TRPC1: variants seen among roughly 807,000 people sequenced by gnomAD.
TRPC1 encodes short transient receptor potential channel 1.
A neutral mutation model predicts 88.2 loss-of-function variants in TRPC1; 42 were observed. The observed-to-expected ratio is 0.48, with a 90% CI of 0.37 to 0.62. The LOEUF is 0.62. TRPC1 is among the 20% of genes least tolerant of loss of function. The probability of loss-of-function intolerance (pLI) is 0.00; values close to 1 mark genes in which losing one functional copy is unlikely to be tolerated. For synonymous variants in TRPC1, 288 were observed against 331.8 expected, an observed-to-expected ratio of 0.87 and a Z score of 1.43; for missense variants, 699 against 957.3, an observed-to-expected ratio of 0.73 and a Z score of 3.56.
At chr3:142,801,993 T>C (rs1250954122) in intron 9 of TRPC1, among the ~76,000 whole-genome samples, 176 bp from the exon 10 acceptor site, 1 of 152,126 alleles carries the variant, frequency 6.6e-6, no homozygotes, top group African/African-American at 2.4e-5. Context: ...GAATGACTTT[T>C]TGTTAGGCAG....
At chr3:142,805,514 A>T (rs1170595991) in intron 12 of TRPC1, among the ~76,000 whole-genome samples, 2 of 152,214 alleles carry the variant, frequency 1.3e-5, no homozygotes, top group Non-Finnish European at 2.9e-5. Context: ...ACAAATTTTC[A>T]CAAAACTTTT....
At chr3:142,791,289 C>T (rs1301788406) in intron 8 of TRPC1, 131 bp downstream of exon 8, 3 of 735,964 alleles carry the variant, frequency 4.1e-6, no homozygotes, top group Non-Finnish European at 6.1e-6. Context: ...TTAAGCCTAT[C>T]TGTGTGCACA....
intron 7 of TRPC1, among the ~76,000 whole-genome samples, chr3:142,785,996 T>C (rs1936122220): frequency 6.6e-6 from 1 of 152,196 alleles, no homozygotes; most frequent in African/African-American, 2.4e-5. Flanking sequence ...TTATAAGTAT[T>C]ACACTGTATA....
In TRPC1 at chr3:142,764,003, TATATATATATATAA is replaced by T. The variant is rs1560105057; in HGVS notation, c.633-13628_633-13615del. On this transcript the variant is annotated intron_variant, in intron 4 of 12. Transcript: ENST00000476941. ...ATATATACACATACATACATACATA[TATATATATATATAA>T]CAAATTATTTTAAAGAGATGACACT... Among the ~76,000 whole-genome samples the T allele has an allele frequency of 5.5e-4, 56 of 101,848 alleles. 8 individuals are homozygous for T. The highest frequency in any genetic ancestry group is 2.3e-3 in the African/African-American group (55 of 24,424). The allele number at this position is 101,848 out of a possible 152,430, so 66.8% of individuals were successfully genotyped here.
At chr3:142,773,566 G>A (rs1243271651) in intron 4 of TRPC1, among the ~76,000 whole-genome samples, 3 of 149,128 alleles carry the variant, frequency 2.0e-5, no homozygotes, top group Non-Finnish European at 4.4e-5. Flanking sequence ...CTGACATCTG[G>A]TCACTCTGCA....
chr3:142,781,545 A>T (rs1935957329), intron 6 of TRPC1, among the ~76,000 whole-genome samples: 1 of 152,150 alleles, frequency 6.6e-6, no homozygotes, highest in African/African-American at 2.4e-5. Context: ...GAAACTCAAA[A>T]GTGGAGAGGT....
chr3:142,735,145 A>G (rs1448381904), intron 1 of TRPC1, among the ~76,000 whole-genome samples: 1 of 152,194 alleles, frequency 6.6e-6, no homozygotes, highest in East Asian at 1.9e-4. Flanking sequence ...TGAGGGACCT[A>G]AGGAAATACA....
chr3:142,802,382 CT>C (rs3836385), intron 10 of TRPC1, 38 bp downstream of exon 10: 54,800 of 1,053,850 alleles, frequency 0.052, 114 homozygotes, highest in East Asian at 0.16. Flanking sequence ...ATATATTTGT[CT>C]TTTTTTTTTT....
chr3:142,750,221 A>C (rs1274261795), intron 4 of TRPC1, among the ~76,000 whole-genome samples: 1 of 152,092 alleles, frequency 6.6e-6, no homozygotes, highest in East Asian at 1.9e-4. Flanking sequence ...TAAATTTATG[A>C]GAAAAAAACA....
At position 142,763,975 on chromosome 3, in the gene TRPC1, TATATATATACACATACATACATAC is replaced by T. The variant is rs1267876291; in HGVS notation, c.633-13647_633-13624del. ...AAAAAAAGAAATATATATATATATATATATATATACACATACATACATACATATATATATATATATAACAAATTA... is the reference window on the plus strand; with the variant it reads ...AAAAAAAGAAATATATATATATATATATATATATATATATATAACAAATTA... On this transcript the variant is annotated intron_variant, in intron 4 of 12. Transcript: ENST00000476941. 3.0e-3 allele frequency among the ~76,000 whole-genome samples: 208 copies of T among 68,518 alleles called. 10 individuals are homozygous for T. The highest frequency in any genetic ancestry group is 0.025 in the African/African-American group (195 of 7,778). 45.0% of individuals were successfully genotyped at this position (68,518 alleles called of 152,430 possible).
chr3:142,777,792 ATTTTGTT>A, intron 5 of TRPC1, 29 bp downstream of exon 5: 1 of 1,586,720 alleles, frequency 6.3e-7, no homozygotes, highest in Non-Finnish European at 8.6e-7. Context: ...TATATAATGT[ATTTTGTT>A]TTAAATCTTC....
In TRPC1 at chr3:142,806,269, A is replaced by G. The variant is rs769331748; in HGVS notation, c.*34A>G. 2.0e-6 allele frequency: 3 copies of G among 1,534,222 alleles called. No homozygotes were observed. Among genetic ancestry groups the G allele is most frequent in the Non-Finnish European group, 2.7e-6 (3 of 1,118,684 alleles). ...TAAATCATGGAGCGAATAATTTTCA[A>G]TAACAGATCCAAAAGACTATATTGC... On this transcript the variant is annotated 3_prime_UTR_variant, in exon 13 of 13. Transcript: ENST00000476941.
intron 1 of TRPC1, among the ~76,000 whole-genome samples, chr3:142,732,961 C>G (rs1933982298): frequency 7.5e-6 from 1 of 132,834 alleles, no homozygotes; most frequent in Non-Finnish European, 1.5e-5. Context: ...TAAGAGTGTT[C>G]TGGTCTTTTT....
chr3:142,763,983 T>TATATATATATATATATATATATATGCAC (rs1441314374), intron 4 of TRPC1, among the ~76,000 whole-genome samples: 1 of 74,352 alleles, frequency 1.3e-5, no homozygotes, highest in Non-Finnish European at 2.6e-5. Flanking sequence ...TATATATATA[T>TATATATATATATATATATATATATGCAC]ACACATACAT....
At position 142,777,533 on chromosome 3, in the gene TRPC1, TATA is replaced by T. The variant is rs1935820585; in HGVS notation, c.633-95_633-93del. 1.1e-5 allele frequency: 8 copies of T among 710,210 alleles called. No homozygotes were observed. In the East Asian group the frequency reaches 2.5e-4, roughly 22 times the overall value. 44.0% of individuals were successfully genotyped at this position (710,210 alleles called of 1,614,324 possible). A position where few individuals can be genotyped will look rare whatever the true frequency, so the allele number is the denominator to read the frequency against. ...ATATCTGTAGTTTTTCTTTTAATTT[TATA>T]ATATTTTAAGTATACATTTATGAAA... On this transcript the variant is annotated intron_variant, in intron 4 of 12. Transcript: ENST00000476941.
At position 142,736,404 on chromosome 3, in the gene TRPC1, T is replaced by A; in HGVS notation, c.198T>A (p.Ile66=). ...DKGDYYMVKK[I]LEENSSGDLN... ...GTGACTATTATATGGTTAAAAAGAT[T>A]TTGGAGGAAAACAGTTCAGGTGACT... The change falls in exon 2 of 13, where the codon ATT becomes ATA. Residue 66 remains isoleucine, a synonymous_variant. Transcript: ENST00000476941. The A allele has an allele frequency of 6.2e-7, 1 of 1,608,720 alleles. No homozygotes were observed. Among genetic ancestry groups the A allele is most frequent in the Non-Finnish European group, 8.5e-7 (1 of 1,178,116 alleles).
intron 3 of TRPC1, among the ~76,000 whole-genome samples, chr3:142,746,860 A>C (rs1934574607): frequency 6.6e-6 from 1 of 152,172 alleles, no homozygotes; most frequent in Non-Finnish European, 1.5e-5. Context: ...TCCACCAAAA[A>C]AAAAAAAACT....
chr3:142,805,544 T>C (rs1308002087), intron 12 of TRPC1, among the ~76,000 whole-genome samples: 1 of 152,098 alleles, frequency 6.6e-6, no homozygotes, highest in Non-Finnish European at 1.5e-5. Flanking sequence ...AGTCAAAATA[T>C]AACAATAACA....
rs1408611328 is a variant in TRPC1, at chr3:142,724,644, A to T, written c.85A>T (p.Asn29Tyr). The change falls in exon 1 of 13, where the codon AAC becomes TAC. Residue 29 changes from asparagine to tyrosine, a missense_variant. Around this residue, in one of 4 missense-constraint regions of TRPC1, gnomAD observed 157 missense variants for 127.0 expected, o/e 1.24. Coordinates refer to ENST00000476941, the MANE Select transcript of TRPC1 (RefSeq NM_001251845.2). The surrounding 1 kb of genome is among the most constrained non-coding windows in gnomAD (Gnocchi z 5.6). ...TTCCTCTCCATCCTCTTCCTCGCCGAACGAGGTGATGGCGCTGAAGGATGT... is the reference window on the plus strand; with the variant it reads ...TTCCTCTCCATCCTCTTCCTCGCCGTACGAGGTGATGGCGCTGAAGGATGT... ...LPSSPSSSSPNEVMALKDVRE... is the reference protein window; with the variant it reads ...LPSSPSSSSPYEVMALKDVRE... 1 of 1,612,698 alleles carries T rather than the reference A, an allele frequency of 6.2e-7. No homozygotes were observed. The highest frequency in any genetic ancestry group is 1.3e-5 in the African/African-American group (1 of 74,644).
Sources: gnomAD v4.1 joint callset for allele counts (sites outside exome capture counted in the v4.1 genomes callset) on GRCh38, gnomAD v4.1.1 for gene constraint, gnomAD v4.1.1 regional missense constraint, Gnocchi (gnomAD v3.1) non-coding constraint, MANE v1.5 for transcripts, NCBI Gene and HGNC (gene_info 2026-07-23, HGNC 2026-07-21) for gene names.